NHS: variants seen among roughly 807,000 people sequenced by gnomAD.
NHS encodes the protein actin remodeling regulator NHS.
NHS carries 5 observed loss-of-function variants against 72.5 expected under a neutral mutation model. The observed-to-expected ratio is 0.07, with a 90% confidence interval of 0.04 to 0.14. The LOEUF is 0.14. NHS is among the 10% of genes least tolerant of loss of function. NHS has a pLI of 1.00. For synonymous variants in NHS, 464 were observed against 547.7 expected (o/e 0.85, Z 2.13); for missense variants, 1,072 against 1,355.7 (o/e 0.79, Z 3.29).
At chrX:17,518,845 C>T (rs945433791) in intron 1 of NHS, among the ~76,000 whole-genome samples, 16 of 111,734 alleles carry the variant, frequency 1.4e-4, no homozygotes, top group African/African-American at 5.2e-4. Flanking sequence ...ATGATTCTAA[C>T]GCAAACTCTG....
At chrX:17,611,150 G>A (rs187026131) in intron 1 of NHS, among the ~76,000 whole-genome samples, 41 of 112,525 alleles carry the variant, frequency 3.6e-4, no homozygotes, top group Admixed American at 3.3e-3. Context: ...CTGAGTGGCC[G>A]AGGTGAAACA....
chrX:17,710,309 A>G (rs1249189038), intron 3 of NHS, among the ~76,000 whole-genome samples: 1 of 112,665 alleles, frequency 8.9e-6, no homozygotes, highest in Non-Finnish European at 1.9e-5. Context: ...TCTTTTAAAT[A>G]TTGGCCTGGC....
intron 1 of NHS, among the ~76,000 whole-genome samples, chrX:17,651,966 C>A (rs1214003055): frequency 1.8e-5 from 2 of 112,515 alleles, no homozygotes; most frequent in Non-Finnish European, 3.8e-5. Context: ...CAGAGGTTGG[C>A]AAATTATGGC....
chrX:17,608,023 A>G (rs918583347), intron 1 of NHS, among the ~76,000 whole-genome samples: 2 of 106,282 alleles, frequency 1.9e-5, no homozygotes, highest in African/African-American at 6.9e-5. Flanking sequence ...GGCTCAAGCA[A>G]TCCTCCTGCT....
At chrX:17,506,727 C>T (rs1176583511) in intron 1 of NHS, among the ~76,000 whole-genome samples, 1 of 110,585 alleles carries the variant, frequency 9.0e-6, no homozygotes, top group Non-Finnish European at 1.9e-5. Flanking sequence ...AGTGGATTGG[C>T]CTCTAGCATC....
At chrX:17,524,025 C>A (rs971452816) in intron 1 of NHS, among the ~76,000 whole-genome samples, 1 of 111,753 alleles carries the variant, frequency 8.9e-6, no homozygotes, top group South Asian at 3.7e-4. Context: ...ATTGACTACT[C>A]GGGGGTACAA....
At chrX:17,688,556 G>C (rs1195197573) in intron 2 of NHS, among the ~76,000 whole-genome samples, 1 of 111,574 alleles carries the variant, frequency 9.0e-6, no homozygotes, top group East Asian at 2.8e-4. Context: ...TTGAGAACCA[G>C]TGATCGGTCT....
At chrX:17,483,790 T>C (rs1216712489) in intron 1 of NHS, among the ~76,000 whole-genome samples, 1 of 110,548 alleles carries the variant, frequency 9.0e-6, no homozygotes, top group African/African-American at 3.3e-5. Context: ...TGAGCCACAT[T>C]TCCCCCTGAG....
intron 1 of NHS, among the ~76,000 whole-genome samples, chrX:17,382,178 T>C (rs2064381473): frequency 4.5e-5 from 5 of 112,015 alleles, no homozygotes; most frequent in Admixed American, 2.8e-4. Flanking sequence ...AGGTAAATCA[T>C]GTGTCGTGGT....
At position 17,587,561 on chromosome X, in the gene NHS, A is replaced by G. The variant is rs189938785; in HGVS notation, c.566-100181A>G. Among the ~76,000 whole-genome samples the G allele has an allele frequency of 9.8e-5, 11 of 112,322 alleles. No homozygotes were observed. The East Asian group carries it at 2.5e-3, about 26-fold the overall frequency. ...AACCTTTTAAAATGCTAATTACGCA[A>G]TTGTGCGAATAATGTAAAAATGAGT... is the stretch of plus-strand genomic sequence containing the variant. On this transcript the variant is annotated intron_variant, in intron 1 of 8. Coordinates refer to ENST00000676302, the MANE Select transcript of NHS (RefSeq NM_001291867.2).
Position 17,375,733 on chromosome X carries a change from G to C in NHS, c.-25G>C. ...TCACAGGGGCGCTTGGAGGAGACCA[G>C]AAAGTCGCCGCCTGGCTGCGCGGGA... is the stretch of plus-strand genomic sequence containing the variant. On this transcript the variant is annotated 5_prime_UTR_variant, in exon 1 of 9. Transcript: ENST00000676302. The C allele has an allele frequency of 1.7e-6, 2 of 1,153,322 alleles. No homozygotes were observed. The highest frequency in any genetic ancestry group is 1.9e-5 in the South Asian group (1 of 52,512).
At chrX:17,377,722 A>G (rs777365404) in intron 1 of NHS, among the ~76,000 whole-genome samples, 8 of 113,393 alleles carry the variant, frequency 7.1e-5, no homozygotes, top group Non-Finnish European at 1.3e-4. Context: ...TGCAATAACA[A>G]TAGTAATAAG....
In NHS at chrX:17,375,984, C is replaced by T. The variant is rs1195507605; in HGVS notation, c.227C>T (p.Ala76Val). The T allele has an allele frequency of 2.6e-5, 28 of 1,075,612 alleles. No individual in the cohort carries two copies. Among genetic ancestry groups the T allele is most frequent in the Middle Eastern group, 3.6e-4 (1 of 2,812 alleles). 88.6% of individuals were successfully genotyped at this position (1,075,612 alleles called of 1,213,427 possible). ...CCACCGCCGCCGCCGCCACTGCCCG[C>T]GCCGGCCGACCAGACTCAGCCGCCG... ...GLPPPPPPLP[A>V]PADQTQPPHG... is the part of the protein sequence containing the mutation. Residue 76 changes from alanine to valine, a missense_variant, in exon 1 of 9, where the codon GCG becomes GTG. Physicochemically the swap from Ala to Val is moderately conservative, Grantham distance 64 (BLOSUM62 0). Coordinates refer to ENST00000676302, the MANE Select transcript of NHS (RefSeq NM_001291867.2).
At chrX:17,383,198 T>C (rs1253725835) in intron 1 of NHS, among the ~76,000 whole-genome samples, 3 of 112,075 alleles carry the variant, frequency 2.7e-5, no homozygotes, top group Non-Finnish European at 5.6e-5. Context: ...CTCAAACCTG[T>C]ACTTGCAGTC....
chrX:17,415,614 C>T (rs182078674), intron 1 of NHS, among the ~76,000 whole-genome samples: 87 of 112,001 alleles, frequency 7.8e-4, no homozygotes, highest in Admixed American at 1.2e-3. Context: ...CCTACAGAAA[C>T]ATGCTGGGGG....
chrX:17,627,070 C>T (rs1346536715), intron 1 of NHS, among the ~76,000 whole-genome samples: 6 of 112,163 alleles, frequency 5.3e-5, no homozygotes, highest in African/African-American at 1.9e-4. Context: ...TAATATTTCC[C>T]CTTCCCCAAG....
intron 1 of NHS, among the ~76,000 whole-genome samples, chrX:17,408,321 C>G (rs2064539360): frequency 8.9e-6 from 1 of 111,784 alleles, no homozygotes; most frequent in South Asian, 3.8e-4. Flanking sequence ...GTATATGCAC[C>G]TCTATAAAGA....
chrX:17,661,754 G>C (rs772411901), intron 1 of NHS, among the ~76,000 whole-genome samples: 1 of 111,958 alleles, frequency 8.9e-6, no homozygotes, highest in South Asian at 3.8e-4. Flanking sequence ...CATTTGCCAG[G>C]GCTAGGCGCG....
chrX:17,541,794 A>ACACACACACACACACC (rs2065265251), intron 1 of NHS, among the ~76,000 whole-genome samples: 1 of 106,481 alleles, frequency 9.4e-6, no homozygotes, highest in Non-Finnish European at 1.9e-5. Context: ...ACACACACAC[A>ACACACACACACACACC]CACACACACA....
Sources: gnomAD v4.1 joint callset for allele counts (sites outside exome capture counted in the v4.1 genomes callset) on GRCh38, gnomAD v4.1.1 for gene constraint, MANE v1.5 for transcripts, NCBI Gene and HGNC (gene_info 2026-07-23, HGNC 2026-07-21) for gene names.